Variants in KIF26B observed in about 807,000 individuals in gnomAD.
The protein encoded by KIF26B is kinesin family member 26B.
A neutral mutation model predicts 151.2 loss-of-function variants in KIF26B; 63 were observed. The observed-to-expected ratio is 0.42, with a 90% CI of 0.34 to 0.51. KIF26B has a LOEUF of 0.51. Among genes scored for constraint, KIF26B ranks in the 20% least tolerant of loss-of-function variants. The probability of loss-of-function intolerance (pLI) is 0.07; values close to 1 mark genes in which losing one functional copy is unlikely to be tolerated. For missense variants in KIF26B, 2,813 were observed against 2,913.6 expected, an observed-to-expected ratio of 0.97 and a Z score of 0.79; for synonymous variants, 1,357 against 1,262.1, an observed-to-expected ratio of 1.08 and a Z score of -1.59.
chr1:245,433,288 G>GC (rs1282363707), intron 4 of KIF26B, among the ~76,000 whole-genome samples: 1 of 136,026 alleles, frequency 7.4e-6, no homozygotes, highest in Non-Finnish European at 1.6e-5. Context: ...ACATAGTGAA[G>GC]CCCCATCTCT....
chr1:245,562,021 C>CT (rs2042959957), intron 5 of KIF26B, among the ~76,000 whole-genome samples: 1 of 152,128 alleles, frequency 6.6e-6, no homozygotes, highest in Non-Finnish European at 1.5e-5. Context: ...CGGATTGCAG[C>CT]TGTTTCATAC....
chr1:245,185,551 A>G (rs1668985485), intron 2 of KIF26B, among the ~76,000 whole-genome samples: 1 of 152,254 alleles, frequency 6.6e-6, no homozygotes, highest in African/African-American at 2.4e-5. Flanking sequence ...GTCAATCAAC[A>G]AACACTGTGG....
At chr1:245,454,914 G>C (rs1441118844) in intron 4 of KIF26B, among the ~76,000 whole-genome samples, 1 of 152,152 alleles carries the variant, frequency 6.6e-6, no homozygotes, top group Non-Finnish European at 1.5e-5. Flanking sequence ...TGTAAAGCTG[G>C]AGTCTCAGTT....
intron 4 of KIF26B, among the ~76,000 whole-genome samples, chr1:245,426,167 G>A (rs1020292276): frequency 1.3e-5 from 2 of 151,754 alleles, no homozygotes; most frequent in African/African-American, 2.4e-5. Context: ...ATTAGTTAGA[G>A]CTTCTTTCTC....
intron 2 of KIF26B, among the ~76,000 whole-genome samples, chr1:245,350,011 A>AT (rs1024082650): frequency 1.3e-5 from 2 of 152,232 alleles, no homozygotes; most frequent in South Asian, 4.1e-4. Context: ...TGACCACATC[A>AT]TTGGGAGTAC....
intron 3 of KIF26B, among the ~76,000 whole-genome samples, chr1:245,380,955 GAA>G (rs35477111): frequency 0.019 from 1,508 of 77,864 alleles, 29 homozygotes; most frequent in African/African-American, 0.057. Context: ...CCAAAAAGAT[GAA>G]AAAAAAAAAA....
intron 2 of KIF26B, among the ~76,000 whole-genome samples, chr1:245,197,096 A>G (rs1312991509): frequency 6.6e-6 from 1 of 152,210 alleles, no homozygotes; most frequent in Non-Finnish European, 1.5e-5. Flanking sequence ...AATCCTCTGC[A>G]TCACCCGACC....
At chr1:245,513,915 A>G (rs74667486) in intron 4 of KIF26B, among the ~76,000 whole-genome samples, 1 of 152,172 alleles carries the variant, frequency 6.6e-6, no homozygotes, top group South Asian at 2.1e-4. Flanking sequence ...CACTGCAGAG[A>G]ACTCTCAAGC....
intron 4 of KIF26B, among the ~76,000 whole-genome samples, chr1:245,499,359 G>A (rs758181719): frequency 2.6e-5 from 4 of 152,100 alleles, no homozygotes; most frequent in Non-Finnish European, 4.4e-5. Flanking sequence ...GAATAAATCA[G>A]CCCAGATACG....
intron 3 of KIF26B, among the ~76,000 whole-genome samples, chr1:245,368,606 G>T (rs1572027078): frequency 2.0e-5 from 3 of 151,954 alleles, no homozygotes; most frequent in East Asian, 1.9e-4. Context: ...TTCTCACTTG[G>T]GTCTGTCATA....
At chr1:245,319,076 TA>T (rs1558387419) in intron 2 of KIF26B, among the ~76,000 whole-genome samples, 1 of 152,222 alleles carries the variant, frequency 6.6e-6, no homozygotes, top group Non-Finnish European at 1.5e-5. Flanking sequence ...CCAAGGAGGT[TA>T]AACTCAGTAG....
chr1:245,296,182 T>A (rs1307555727), intron 2 of KIF26B, among the ~76,000 whole-genome samples: 2 of 151,206 alleles, frequency 1.3e-5, no homozygotes, highest in Non-Finnish European at 2.9e-5. Context: ...TGTCTTTTTT[T>A]TTTTCTTATG....
intron 5 of KIF26B, among the ~76,000 whole-genome samples, chr1:245,575,823 G>A (rs985495618): frequency 6.6e-6 from 1 of 152,156 alleles, no homozygotes; most frequent in Non-Finnish European, 1.5e-5. Flanking sequence ...GTGTGTGTGT[G>A]ACATTCTTCA....
At chr1:245,448,068 T>G (rs970484690) in intron 4 of KIF26B, among the ~76,000 whole-genome samples, 6 of 152,256 alleles carry the variant, frequency 3.9e-5, no homozygotes, top group African/African-American at 1.4e-4. Flanking sequence ...CTGCATCACC[T>G]TTTGCCATAG....
chr1:245,383,392 T>C (rs140220812), intron 3 of KIF26B, among the ~76,000 whole-genome samples: 1 of 152,178 alleles, frequency 6.6e-6, no homozygotes, highest in Non-Finnish European at 1.5e-5. Flanking sequence ...GAACACAGCC[T>C]TCGTGCAGGG....
chr1:245,381,343 T>C (rs563047599), intron 3 of KIF26B, among the ~76,000 whole-genome samples: 240 of 152,116 alleles, frequency 1.6e-3, no homozygotes, highest in African/African-American at 5.0e-3. Context: ...ATACAAAAAA[T>C]GTGTCATCTG....
intron 3 of KIF26B, among the ~76,000 whole-genome samples, chr1:245,417,239 G>A (rs1674443051): frequency 6.6e-6 from 1 of 152,016 alleles, no homozygotes; most frequent in African/African-American, 2.4e-5. Context: ...GTGGATACAT[G>A]TGTATGTTTT....
chr1:245,584,661 C>T (rs1371044710), intron 5 of KIF26B, among the ~76,000 whole-genome samples: 2 of 152,064 alleles, frequency 1.3e-5, no homozygotes, highest in Non-Finnish European at 2.9e-5. Context: ...AGAAAAGAAC[C>T]TATAGGAAGA....
chr1:245,560,842 C>A lies in KIF26B; in HGVS notation c.1350+19892C>A, dbSNP rs2042940132. Among the ~76,000 whole-genome samples, 1 of 152,190 alleles carries A rather than the reference C, an allele frequency of 6.6e-6. No homozygotes were observed. ...CACAGGGACAGCCTCCGCAGACTCCCGTGTGTGTGCTCTGGAGAGAAAAGA... is the reference window on the plus strand; with the variant it reads ...CACAGGGACAGCCTCCGCAGACTCCAGTGTGTGTGCTCTGGAGAGAAAAGA... On this transcript the variant is annotated intron_variant, in intron 5 of 14. Transcript: ENST00000407071. This position sits in a 1 kb window ranked among gnomAD's most constrained non-coding sequence, Gnocchi z 4.3.
Sources: gnomAD v4.1 joint callset for allele counts (sites outside exome capture counted in the v4.1 genomes callset) on GRCh38, gnomAD v4.1.1 for gene constraint, Gnocchi (gnomAD v3.1) non-coding constraint, MANE v1.5 for transcripts, NCBI Gene and HGNC (gene_info 2026-07-23, HGNC 2026-07-21) for gene names.